The following FAM178B variants were observed in gnomAD, a reference collection of about 807,000 sequenced individuals.
The protein encoded by FAM178B is family with sequence similarity 178 member B, also known as protein FAM178B.
In FAM178B, 82 loss-of-function variants were observed where a neutral mutation model predicts 91.7. That is an observed-to-expected ratio of 0.89 (90% confidence interval 0.75 to 1.07). The LOEUF is 1.07. FAM178B is among the 50% of genes least tolerant of loss of function. The pLI is 0.00. For synonymous variants in FAM178B, 368 were observed against 359.4 expected (o/e 1.02, Z -0.27); for missense variants, 769 against 846.7 (o/e 0.91, Z 1.14).
Position 96,910,858 on chromosome 2 carries a change from G to A in FAM178B, c.1563-8151C>T, listed in dbSNP as rs1222709354. Among the ~76,000 whole-genome samples, 7 of 149,264 alleles carry A rather than the reference G, an allele frequency of 4.7e-5. No homozygotes were observed. The East Asian group carries it at 5.9e-4, about 13-fold the overall frequency. The stretch of plus-strand genomic sequence containing the variant: ...GTCGCCCAGGCTGGAGTGCAGTGGC[G>A]TGATCTTGGCTCACTACAACAACCT... On this transcript the variant is annotated intron_variant, in intron 12 of 16. Transcript: ENST00000490605.
At chr2:96,937,307 T>C (rs1396419525) in intron 8 of FAM178B, among the ~76,000 whole-genome samples, 2 of 152,166 alleles carry the variant, frequency 1.3e-5, no homozygotes, top group Non-Finnish European at 2.9e-5. Flanking sequence ...GGCTTTGGAA[T>C]TTTAAAAAAT....
intron 8 of FAM178B, among the ~76,000 whole-genome samples, chr2:96,941,896 A>G (rs1385090182): frequency 6.6e-6 from 1 of 152,170 alleles, no homozygotes; most frequent in Non-Finnish European, 1.5e-5. Flanking sequence ...CAGCTCAGCT[A>G]AAACATTTTT....
chr2:96,903,262 A>C (rs1008027639), intron 12 of FAM178B, among the ~76,000 whole-genome samples: 18 of 152,152 alleles, frequency 1.2e-4, no homozygotes, highest in African/African-American at 3.6e-4. Flanking sequence ...GATAGTCTCG[A>C]TCTCCTGACC....
chr2:96,948,593 G>C (rs1361658450), intron 7 of FAM178B, among the ~76,000 whole-genome samples: 2 of 152,212 alleles, frequency 1.3e-5, no homozygotes, highest in Non-Finnish European at 2.9e-5. Flanking sequence ...CCAAGTTCAC[G>C]ACAGTGGCAG....
At chr2:96,881,468 C>T (rs1208791601) in intron 14 of FAM178B, among the ~76,000 whole-genome samples, 2 of 151,680 alleles carry the variant, frequency 1.3e-5, no homozygotes, top group Admixed American at 1.3e-4. Flanking sequence ...GGGGCCTGTC[C>T]CTCTCAGACC....
chr2:96,924,148 C>T (rs376065471), intron 9 of FAM178B, among the ~76,000 whole-genome samples: 2 of 152,192 alleles, frequency 1.3e-5, no homozygotes, highest in Admixed American at 1.3e-4. Context: ...CACATGCTAC[C>T]GTTCAGGTGA....
intron 5 of FAM178B, among the ~76,000 whole-genome samples, chr2:96,961,613 C>T (rs544405048): frequency 1.6e-4 from 24 of 152,314 alleles, no homozygotes; most frequent in African/African-American, 3.4e-4. Flanking sequence ...AATCAGGAGA[C>T]GGCCCATTCC....
rs66515058 is a variant in FAM178B, at chr2:96,958,067, C to CT, written c.887+2220dup. Among the ~76,000 whole-genome samples the CT allele has an allele frequency of 2.0e-3, 198 of 101,332 alleles. 2 individuals are homozygous for CT. The highest frequency in any genetic ancestry group is 4.1e-3 in the African/African-American group (129 of 31,666). 66.5% of individuals were successfully genotyped at this position (101,332 alleles called of 152,430 possible). ...TTGTTCAGATTCTGATTTGAAGAAT[C>CT]TTTTTTTTTTTTTTTTTTTGAGATG... On this transcript the variant is annotated intron_variant, in intron 6 of 16. Coordinates refer to ENST00000490605, the MANE Select transcript of FAM178B (RefSeq NM_001122646.3).
intron 13 of FAM178B, among the ~76,000 whole-genome samples, chr2:96,894,270 AC>A (rs889138480): frequency 1.1e-4 from 16 of 151,606 alleles, no homozygotes; most frequent in Non-Finnish European, 2.4e-4. Context: ...GAGGAGGGGT[AC>A]CCAAACATAC....
chr2:96,901,018 G>A (rs916797696), intron 13 of FAM178B, among the ~76,000 whole-genome samples: 4 of 152,066 alleles, frequency 2.6e-5, no homozygotes, highest in Admixed American at 2.6e-4. Context: ...AGATTACTGC[G>A]GAGGTGCGGG....
At chr2:96,895,064 G>T (rs80341479) in intron 13 of FAM178B, 1 of 1,289,258 alleles carries the variant, frequency 7.8e-7, no homozygotes, top group Non-Finnish European at 1.0e-6. Context: ...CCATCACCAT[G>T]AGCAAGACCA....
chr2:96,886,042 T>C (rs900052974), intron 14 of FAM178B, among the ~76,000 whole-genome samples: 3 of 152,186 alleles, frequency 2.0e-5, no homozygotes, highest in African/African-American at 7.2e-5. Context: ...CTCCGCGGTG[T>C]TGGCACGTCT....
chr2:96,968,162 C>T (rs1024089472), intron 4 of FAM178B, among the ~76,000 whole-genome samples: 4 of 152,006 alleles, frequency 2.6e-5, no homozygotes, highest in African/African-American at 9.6e-5. Context: ...AGATCTCGTG[C>T]CCTGGCTCCT....
At chr2:96,897,058 G>C (rs2080838801) in intron 13 of FAM178B, among the ~76,000 whole-genome samples, 1 of 152,160 alleles carries the variant, frequency 6.6e-6, no homozygotes, top group African/African-American at 2.4e-5. Flanking sequence ...GTAGAGACAG[G>C]GTTTCACCAT....
In FAM178B at chr2:96,894,035, C is replaced by T. The variant is rs376034495; in HGVS notation, c.1667G>A (p.Arg556Gln). Residue 556 changes from arginine (R) to glutamine (Q), a missense_variant, in exon 14 of 17, where the codon CGG (arginine) becomes CAG (glutamine). Arg to Gln is a conservative substitution (Grantham distance 43). Transcript: ENST00000490605. Reference protein sequence around the residue: ...QEKTQLSSLSRLLGLMRPSSL... With the variant: ...QEKTQLSSLSQLLGLMRPSSL... ...TGATGGCCTCATGAGGCCCAGGAGC[C>T]GGCTGAGCGAGGACAGCTGGGGAGG... 8.9e-5 allele frequency: 144 copies of T among 1,610,730 alleles called. No homozygotes were observed. Among genetic ancestry groups the T allele is most frequent in the Middle Eastern group, 1.6e-4 (1 of 6,066 alleles).
chr2:96,886,663 G>C (rs2080528822), intron 14 of FAM178B, among the ~76,000 whole-genome samples: 1 of 152,232 alleles, frequency 6.6e-6, no homozygotes, highest in South Asian at 2.1e-4. Flanking sequence ...TCCTGGCAAA[G>C]ACAGGGAAGA....
intron 8 of FAM178B, among the ~76,000 whole-genome samples, chr2:96,933,397 G>C (rs986201268): frequency 5.3e-5 from 8 of 152,144 alleles, no homozygotes; most frequent in African/African-American, 1.9e-4. Context: ...GAAGATAGAG[G>C]AAGAAAATCA....
At chr2:96,969,966 G>A (rs568681632) in intron 4 of FAM178B, among the ~76,000 whole-genome samples, 99 of 152,282 alleles carry the variant, frequency 6.5e-4, no homozygotes, top group African/African-American at 2.3e-3. Flanking sequence ...CATCGCCCCC[G>A]CCCACACTTA....
At chr2:96,966,228 G>A (rs1229834586) in intron 5 of FAM178B, among the ~76,000 whole-genome samples, 1 of 151,972 alleles carries the variant, frequency 6.6e-6, no homozygotes, top group Non-Finnish European at 1.5e-5. Flanking sequence ...CCTCCTCGAG[G>A]TGCTGCTTAG....
Sources: gnomAD v4.1 joint callset for allele counts (sites outside exome capture counted in the v4.1 genomes callset) on GRCh38, gnomAD v4.1.1 for gene constraint, MANE v1.5 for transcripts, NCBI Gene and HGNC (gene_info 2026-07-23, HGNC 2026-07-21) for gene names.